Variants in PRR14L observed in about 807,000 individuals in gnomAD.
The protein encoded by PRR14L is protein PRR14L.
PRR14L carries 80 observed loss-of-function variants against 155.0 expected under a neutral mutation model. That is an observed-to-expected ratio of 0.52 (90% confidence interval 0.43 to 0.62). PRR14L has a LOEUF of 0.62. PRR14L is among the 20% of genes least tolerant of loss of function. The pLI is 0.00. For synonymous variants in PRR14L, 883 were observed against 916.0 expected (o/e 0.96, Z 0.65); for missense variants, 2,469 against 2,548.0 (o/e 0.97, Z 0.67).
chr22:31,714,106 C>T lies in PRR14L; in HGVS notation c.3733G>A (p.Glu1245Lys). The T allele has an allele frequency of 6.4e-7, 1 of 1,550,436 alleles. No individual in the cohort carries two copies. The highest frequency in any genetic ancestry group is 8.7e-7 in the Non-Finnish European group (1 of 1,146,768). Residue 1245 changes from glutamate (E) to lysine (K), a missense_variant, in exon 4 of 9, where the codon GAA becomes AAA. Around this residue, in one of 2 missense-constraint regions of PRR14L, gnomAD observed 2,363 missense variants for 2,371.6 expected, o/e 1.00. Coordinates refer to ENST00000327423, the MANE Select transcript of PRR14L (RefSeq NM_173566.3). ...CTGTTAACATTAGTTTCTGAATTTT[C>T]TTGAGAAGGCATTATTTCAATGGAT... is the stretch of plus-strand genomic sequence containing the variant. ...LKSIEIMPSQ[E>K]NSETNVNSEE...
chr22:31,688,270 C>CTT (rs371441167), intron 7 of PRR14L, 43 bp from the exon 8 acceptor site: 14 of 1,345,554 alleles, frequency 1.0e-5, no homozygotes, highest in East Asian at 2.7e-5. Flanking sequence ...TTCTCTCTCT[C>CTT]TTTTTTTTTT....
Position 31,716,021 on chromosome 22 carries a change from T to C in PRR14L, c.1818A>G (p.Arg606=). ...TCTGTATAACTTTTTCTGACTCAGG[T>C]CTGTAATCAAATTCTGGGGATGGTA... is the stretch of plus-strand genomic sequence containing the variant. ...LLLPSPEFDY[R]PESEKVIQTS... Residue 606 remains arginine, a synonymous_variant, in exon 4 of 9, where the codon AGA becomes AGG. Transcript: ENST00000327423. The C allele has an allele frequency of 6.4e-7, 1 of 1,550,756 alleles. No individual in the cohort carries two copies. Among genetic ancestry groups the C allele is most frequent in the Non-Finnish European group, 8.7e-7 (1 of 1,146,886 alleles).
chr22:31,733,335 C>T (rs1346684081), intron 2 of PRR14L, among the ~76,000 whole-genome samples: 2 of 122,006 alleles, frequency 1.6e-5, no homozygotes, highest in East Asian at 2.4e-4. Flanking sequence ...GACGGAGTCT[C>T]GCTCTGTCAC....
rs1358555641 is a variant in PRR14L, at chr22:31,715,411, T to C, written c.2428A>G (p.Ser810Gly). 1.9e-6 allele frequency: 3 copies of C among 1,552,258 alleles called. No homozygotes were observed. Among genetic ancestry groups the C allele is most frequent in the Non-Finnish European group, 1.7e-6 (2 of 1,147,140 alleles). Residue 810 changes from serine to glycine, a missense_variant, in exon 4 of 9, where the codon AGC becomes GGC. Physicochemically the swap from Ser to Gly is moderately conservative, Grantham distance 56. Coordinates refer to ENST00000327423, the MANE Select transcript of PRR14L (RefSeq NM_173566.3). ...TTATCAACTTGCAGGCTGATTTTGC[T>C]GGACTTGAAAGCAGCAGAAGCAGAA... ...MCSASAAFKS[S>G]KISLQVDNSL...
At chr22:31,686,429 C>CT (rs1164682199) in intron 8 of PRR14L, among the ~76,000 whole-genome samples, 9 of 149,980 alleles carry the variant, frequency 6.0e-5, no homozygotes, top group East Asian at 5.9e-4. Context: ...AAAAAAAAAA[C>CT]TTTTTTTTTG....
At position 31,738,640 on chromosome 22, in the gene PRR14L, C is replaced by T. The variant is rs759557845; in HGVS notation, c.221G>A (p.Ser74Asn). Residue 74 changes from serine to asparagine, a missense_variant, in exon 2 of 9, where the codon AGT (serine) becomes AAT (asparagine). This residue lies in a region of PRR14L where 2,363 missense variants were observed against 2,371.6 expected (regional missense o/e 1.00). Coordinates refer to ENST00000327423, the MANE Select transcript of PRR14L (RefSeq NM_173566.3). ...GGTCTCATAGGTTTCTTCACAACAA[C>T]TCTCCACATGAGTCCTCTGCAGCTC... ...PLELQRTHVE[S>N]CCEETYETLD... is the part of the protein sequence containing the mutation. 1 of 1,552,160 alleles carries T rather than the reference C, an allele frequency of 6.4e-7. No homozygotes were observed. The highest frequency in any genetic ancestry group is 1.2e-5 in the South Asian group (1 of 84,066).
chr22:31,740,523 T>C lies in PRR14L; in HGVS notation c.-51-1612A>G, dbSNP rs541664710. On this transcript the variant is annotated intron_variant, in intron 1 of 8. Coordinates refer to ENST00000327423, the MANE Select transcript of PRR14L (RefSeq NM_173566.3). Reference sequence around the variant, plus strand: ...ATGAGTCACTGTGCCAGGCCACACCTGGCTAATTTTTTTTTTTGGTGGAGA... The same window carrying C: ...ATGAGTCACTGTGCCAGGCCACACCCGGCTAATTTTTTTTTTTGGTGGAGA... Among the ~76,000 whole-genome samples the C allele has an allele frequency of 5.9e-5, 9 of 152,182 alleles. No individual in the cohort carries two copies. In the South Asian group the frequency reaches 1.7e-3, roughly 28 times the overall value.
intron 7 of PRR14L, among the ~76,000 whole-genome samples, chr22:31,700,564 CTTTT>C (rs905464039): frequency 6.6e-6 from 1 of 151,626 alleles, no homozygotes; most frequent in Non-Finnish European, 1.5e-5. Flanking sequence ...GTACAGAAAT[CTTTT>C]TTTTTGAGAC....
At chr22:31,741,882 C>T (rs1026258769) in intron 1 of PRR14L, among the ~76,000 whole-genome samples, 3 of 152,050 alleles carry the variant, frequency 2.0e-5, no homozygotes, top group African/African-American at 7.2e-5. Context: ...AAAAACAGTG[C>T]TGAGAGAAAT....
intron 2 of PRR14L, among the ~76,000 whole-genome samples, chr22:31,737,274 G>T (rs1010161786): frequency 2.0e-5 from 3 of 150,866 alleles, no homozygotes; most frequent in African/African-American, 4.9e-5. Flanking sequence ...TGAGGTCAGG[G>T]GTTCTAGACC....
chr22:31,717,890 G>C (rs2074668746), intron 3 of PRR14L, among the ~76,000 whole-genome samples: 1 of 151,226 alleles, frequency 6.6e-6, no homozygotes, highest in South Asian at 2.1e-4. Flanking sequence ...CTCCTGAGTA[G>C]CTGGGATTCT....
rs1184553474 is a variant in PRR14L, at chr22:31,684,275, A to C, written c.*1252T>G. ...GATGTGACGTAGGAGCCCAGAGTAC[A>C]ATGAGGTGGCCCTCAAAGAAGGCTG... On this transcript the variant is annotated 3_prime_UTR_variant, in exon 9 of 9. Coordinates refer to ENST00000327423, the MANE Select transcript of PRR14L (RefSeq NM_173566.3). 1 of 152,298 alleles carries C rather than the reference A, an allele frequency of 6.6e-6. No homozygotes were observed. Among genetic ancestry groups the C allele is most frequent in the Non-Finnish European group, 1.5e-5 (1 of 68,052 alleles). 9.4% of individuals were successfully genotyped at this position (152,298 alleles called of 1,614,324 possible). A position where few individuals can be genotyped will look rare whatever the true frequency, so the allele number is the denominator to read the frequency against.
Position 31,714,279 on chromosome 22 carries a change from C to T in PRR14L, c.3560G>A (p.Gly1187Glu), listed in dbSNP as rs1569498745. 6.4e-7 allele frequency: 1 copy of T among 1,551,510 alleles called. No homozygotes were observed. The highest frequency in any genetic ancestry group is 2.4e-5 in the East Asian group (1 of 40,908). Residue 1187 changes from glycine to glutamate, a missense_variant, in exon 4 of 9, where the codon GGA becomes GAA. Gly to Glu is a moderately conservative substitution (Grantham distance 98). Around this residue, in one of 2 missense-constraint regions of PRR14L, gnomAD observed 2,363 missense variants for 2,371.6 expected, o/e 1.00. Coordinates refer to ENST00000327423, the MANE Select transcript of PRR14L (RefSeq NM_173566.3). ...TTCTTGTGTTTCTCTGAGAGATGTT[C>T]CTTTATCTTGCTGTCCATAATGGCT... Reference protein sequence around the residue: ...NDSHYGQQDKGTSLRETQEMT... With the variant: ...NDSHYGQQDKETSLRETQEMT...
intron 5 of PRR14L, 76 bp from the exon 6 acceptor site, chr22:31,703,797 ATTTT>A (rs879065402): frequency 3.0e-4 from 195 of 658,518 alleles, no homozygotes; most frequent in South Asian, 4.5e-4. Flanking sequence ...CTTCTTCTTC[ATTTT>A]TTTTTTTTTT....
chr22:31,691,436 G>T (rs1337279998), intron 7 of PRR14L, among the ~76,000 whole-genome samples: 1 of 152,134 alleles, frequency 6.6e-6, no homozygotes, highest in East Asian at 1.9e-4. Flanking sequence ...GCCCAGGCTG[G>T]TATCAGACTC....
intron 4 of PRR14L, among the ~76,000 whole-genome samples, chr22:31,707,839 A>G (rs1336487855): frequency 1.3e-5 from 2 of 152,190 alleles, no homozygotes; most frequent in African/African-American, 4.8e-5. Context: ...TGTCTTTATA[A>G]TAAGAGAACT....
chr22:31,684,212 A>G lies in PRR14L; in HGVS notation c.*1315T>C, dbSNP rs1278487364. On this transcript the variant is annotated 3_prime_UTR_variant, in exon 9 of 9. Transcript: ENST00000327423. ...CACAGACTCCTGCAGGCACAAACCC[A>G]GAAACTCGGCTAACTCCAGCATTTG... 6.6e-6 allele frequency: 1 copy of G among 152,426 alleles called. No homozygotes were observed. The highest frequency in any genetic ancestry group is 1.9e-4 in the East Asian group (1 of 5,190). 9.4% of individuals were successfully genotyped at this position (152,426 alleles called of 1,614,324 possible).
At chr22:31,739,643 C>T (rs1474109515) in intron 1 of PRR14L, among the ~76,000 whole-genome samples, 1 of 152,186 alleles carries the variant, frequency 6.6e-6, no homozygotes, top group African/African-American at 2.4e-5. Context: ...GATCCTAACA[C>T]CACACCTGAG....
chr22:31,722,081 T>C (rs1024517919), intron 3 of PRR14L, among the ~76,000 whole-genome samples: 13 of 152,132 alleles, frequency 8.5e-5, no homozygotes, highest in Non-Finnish European at 1.6e-4. Context: ...TGCTCAACCA[T>C]GCAAACACTT....
Sources: gnomAD v4.1 joint callset for allele counts (sites outside exome capture counted in the v4.1 genomes callset) on GRCh38, gnomAD v4.1.1 for gene constraint, gnomAD v4.1.1 regional missense constraint, MANE v1.5 for transcripts, NCBI Gene and HGNC (gene_info 2026-07-23, HGNC 2026-07-21) for gene names.